The following ITGA8 variants were observed in gnomAD, a reference collection of about 807,000 sequenced individuals.
The protein encoded by ITGA8 is integrin alpha-8.
ITGA8 carries 91 observed loss-of-function variants against 142.3 expected under a neutral mutation model. That is an observed-to-expected ratio of 0.64 (90% CI 0.54 to 0.76). The LOEUF (loss-of-function observed/expected upper bound fraction) is 0.76, where lower values mean the gene tolerates loss of function less well. Among genes scored for constraint, ITGA8 ranks in the 30% least tolerant of loss-of-function variants. The probability of loss-of-function intolerance (pLI) is 0.00; values close to 1 mark genes in which losing one functional copy is unlikely to be tolerated. For missense variants in ITGA8, 1,406 were observed against 1,327.7 expected, an observed-to-expected ratio of 1.06 and a Z score of -0.92; for synonymous variants, 505 against 485.2, an observed-to-expected ratio of 1.04 and a Z score of -0.54.
At chr10:15,553,046 C>T (rs1833820406) in intron 26 of ITGA8, among the ~76,000 whole-genome samples, 1 of 152,168 alleles carries the variant, frequency 6.6e-6, no homozygotes, top group Non-Finnish European at 1.5e-5. Context: ...CACTTGAGGT[C>T]AGGAGTTTGA....
At chr10:15,700,480 G>T (rs1308629352) in intron 2 of ITGA8, among the ~76,000 whole-genome samples, 4 of 152,166 alleles carry the variant, frequency 2.6e-5, no homozygotes, top group Admixed American at 2.0e-4. Context: ...TCATTACTCA[G>T]ATGAGAGTAT....
chr10:15,629,242 G>C (rs1020229547), intron 13 of ITGA8, among the ~76,000 whole-genome samples: 3 of 151,942 alleles, frequency 2.0e-5, no homozygotes, highest in African/African-American at 7.3e-5. Flanking sequence ...GTTCCTGAAC[G>C]AGATGAAAAG....
intron 2 of ITGA8, among the ~76,000 whole-genome samples, chr10:15,690,337 C>T (rs1166687071): frequency 2.0e-5 from 3 of 152,168 alleles, no homozygotes; most frequent in Non-Finnish European, 2.9e-5. Flanking sequence ...CTTTCCAGGG[C>T]CTGAGCCTCT....
intron 28 of ITGA8, among the ~76,000 whole-genome samples, chr10:15,521,029 G>GT (rs1833056914): frequency 6.6e-6 from 1 of 152,074 alleles, no homozygotes; most frequent in Non-Finnish European, 1.5e-5. Flanking sequence ...TTGTTTCTTT[G>GT]TTTTTGTGAG....
intron 13 of ITGA8, among the ~76,000 whole-genome samples, chr10:15,638,547 G>A (rs969964619): frequency 5.9e-5 from 9 of 152,124 alleles, no homozygotes; most frequent in South Asian, 2.1e-4. Flanking sequence ...CCTGAAATGA[G>A]GAGAAAGCGT....
At chr10:15,583,981 A>T (rs1017155441) in intron 23 of ITGA8, among the ~76,000 whole-genome samples, 40 of 152,260 alleles carry the variant, frequency 2.6e-4, no homozygotes, top group African/African-American at 9.6e-4. Flanking sequence ...AATGAAAAAA[A>T]GTCAACTCTT....
chr10:15,648,535 A>T (rs1834028563), intron 11 of ITGA8, among the ~76,000 whole-genome samples: 1 of 150,966 alleles, frequency 6.6e-6, no homozygotes, highest in Non-Finnish European at 1.5e-5. Flanking sequence ...AAAAATTAAG[A>T]TATATCAATA....
At chr10:15,703,704 T>G (rs1835206794) in intron 2 of ITGA8, among the ~76,000 whole-genome samples, 1 of 152,164 alleles carries the variant, frequency 6.6e-6, no homozygotes, top group African/African-American at 2.4e-5. Flanking sequence ...CTACATCCAA[T>G]AGAGGCTGGA....
chr10:15,701,126 A>G (rs898089163), intron 2 of ITGA8, among the ~76,000 whole-genome samples: 1 of 152,176 alleles, frequency 6.6e-6, no homozygotes, highest in Non-Finnish European at 1.5e-5. Flanking sequence ...ATTGTTCAGT[A>G]TGATCCCACT....
chr10:15,689,662 A>G (rs1834897190), intron 2 of ITGA8, among the ~76,000 whole-genome samples: 1 of 152,244 alleles, frequency 6.6e-6, no homozygotes. Context: ...ATCTGGAAAC[A>G]GGAGCCACTG....
chr10:15,630,512 T>C (rs1036151664), intron 13 of ITGA8, among the ~76,000 whole-genome samples: 2 of 151,996 alleles, frequency 1.3e-5, no homozygotes, highest in Non-Finnish European at 2.9e-5. Flanking sequence ...TGCACACATG[T>C]GTAATTTCCA....
chr10:15,517,093 A>T lies in ITGA8; in HGVS notation c.*65T>A. The T allele has an allele frequency of 1.7e-6, 2 of 1,209,292 alleles. No individual in the cohort carries two copies. The highest frequency in any genetic ancestry group is 2.4e-6 in the Non-Finnish European group (2 of 848,630). 74.9% of individuals were successfully genotyped at this position (1,209,292 alleles called of 1,614,324 possible). A position where few individuals can be genotyped will look rare whatever the true frequency, so the allele number is the denominator to read the frequency against. On this transcript the variant is annotated 3_prime_UTR_variant, in exon 30 of 30. Coordinates refer to ENST00000378076, the MANE Select transcript of ITGA8 (RefSeq NM_003638.3). ...CAGAAAGCTTTGATTTTTAACCCTC[A>T]TGTTCTTTCTTTTTCTTTGAACAGG...
At chr10:15,662,888 G>A (rs1417635465) in intron 8 of ITGA8, among the ~76,000 whole-genome samples, 1 of 152,078 alleles carries the variant, frequency 6.6e-6, no homozygotes, top group Non-Finnish European at 1.5e-5. Context: ...TACTTTCTTG[G>A]GTTTTAGCTC....
chr10:15,669,673 A>T lies in ITGA8; in HGVS notation c.847+1930T>A, dbSNP rs181195988. 6.2e-3 allele frequency among the ~76,000 whole-genome samples: 937 copies of T among 152,116 alleles called. 8 individuals carry two copies. Among genetic ancestry groups the T allele is most frequent in the African/African-American group, 0.022 (901 of 41,464 alleles). On this transcript the variant is annotated intron_variant, in intron 8 of 29. Coordinates refer to ENST00000378076, the MANE Select transcript of ITGA8 (RefSeq NM_003638.3). Reference sequence around the variant, plus strand: ...CTACCTTTGGTCTTTGATGATGGTGACGTACAGATGGGTTTTTGGTGTGGA... The same window carrying T: ...CTACCTTTGGTCTTTGATGATGGTGTCGTACAGATGGGTTTTTGGTGTGGA...
intron 4 of ITGA8, among the ~76,000 whole-genome samples, chr10:15,681,180 A>G (rs1834729959): frequency 6.6e-6 from 1 of 152,234 alleles, no homozygotes; most frequent in African/African-American, 2.4e-5. Context: ...GATTAACATG[A>G]GGAGCTTCTT....
chr10:15,655,252 C>A, intron 11 of ITGA8, 102 bp downstream of exon 11: 1 of 743,154 alleles, frequency 1.3e-6, no homozygotes. Context: ...GAGCCTCTAT[C>A]TTGTTGAGGC....
chr10:15,659,662 A>C (rs1834249197), intron 9 of ITGA8, among the ~76,000 whole-genome samples: 1 of 152,246 alleles, frequency 6.6e-6, no homozygotes, highest in Admixed American at 6.5e-5. Flanking sequence ...TTATTTGGAA[A>C]TAGGATCTTT....
intron 26 of ITGA8, among the ~76,000 whole-genome samples, chr10:15,555,539 TCA>T (rs1833871012): frequency 6.6e-6 from 1 of 152,172 alleles, no homozygotes; most frequent in Non-Finnish European, 1.5e-5. Flanking sequence ...TAGGAGCCAT[TCA>T]CAGTTTCCGG....
At position 15,677,605 on chromosome 10, in the gene ITGA8, A is replaced by G. The variant is rs200181167; in HGVS notation, c.663T>C (p.Ser221=). The G allele has an allele frequency of 5.7e-4, 923 of 1,613,476 alleles. 7 individuals are homozygous for G. The South Asian group carries it at 9.8e-3, about 17-fold the overall frequency. Residue 221 remains serine, a synonymous_variant, in exon 6 of 30, where the codon AGT becomes AGC. Transcript: ENST00000378076. ...AACAGAACATACCTTGCCAGTAGAA[A>G]CTCCCAGGTCCTCCCACAATAAGGT... ...NGDLIVGGPG[S]FYWQGQVITA... is the part of the protein sequence containing the mutation.
Sources: gnomAD v4.1 joint callset for allele counts (sites outside exome capture counted in the v4.1 genomes callset) on GRCh38, gnomAD v4.1.1 for gene constraint, MANE v1.5 for transcripts, NCBI Gene and HGNC (gene_info 2026-07-23, HGNC 2026-07-21) for gene names.